The following PEMT variants were observed in gnomAD, a reference collection of about 807,000 sequenced individuals.
PEMT encodes phosphatidylethanolamine N-methyltransferase, also known as phospholipid methyltransferase.
Under a neutral mutation model 27.4 loss-of-function variants are expected in PEMT, and 23 were observed. The ratio of observed to expected loss-of-function variants is 0.84; its 90% CI spans 0.60 to 1.19. The LOEUF is 1.19. PEMT is among the 50% of genes most tolerant of loss of function. PEMT has a pLI of 0.00. For synonymous variants in PEMT, 137 were observed against 139.1 expected, an observed-to-expected ratio of 0.98 and a Z score of 0.11; for missense variants, 307 against 310.1, an observed-to-expected ratio of 0.99 and a Z score of 0.07.
In PEMT at chr17:17,586,480, G is replaced by A. The variant is rs899984511; in HGVS notation, c.96+5051C>T. Reference sequence around the variant, plus strand: ...AACGAATAGAAAGCATACACAGTATGCTCCCAAACCACCACAGAATTAAAC... The same window carrying A: ...AACGAATAGAAAGCATACACAGTATACTCCCAAACCACCACAGAATTAAAC... On this transcript the variant is annotated intron_variant, in intron 1 of 6. Transcript: ENST00000255389. Among the ~76,000 whole-genome samples the A allele has an allele frequency of 2.4e-4, 36 of 152,248 alleles. 1 individual carries two copies. The highest frequency in any genetic ancestry group is 8.7e-4 in the African/African-American group (36 of 41,550).
Position 17,526,461 on chromosome 17 carries a change from C to T in PEMT, c.205-4066G>A, listed in dbSNP as rs185860789. ...ACCCCCCACCCCGATCCCCGGCCAG[C>T]GTGGAAGGAGGGGTAGAGCAGGTGA... On this transcript the variant is annotated intron_variant, in intron 2 of 6. Coordinates refer to ENST00000255389, the MANE Select transcript of PEMT (RefSeq NM_148172.3). Among the ~76,000 whole-genome samples the T allele has an allele frequency of 5.9e-3, 895 of 152,358 alleles. 5 individuals are homozygous for T. The highest frequency in any genetic ancestry group is 0.015 in the South Asian group (72 of 4,826).
intron 2 of PEMT, among the ~76,000 whole-genome samples, chr17:17,527,295 T>C (rs919550182): frequency 6.6e-6 from 1 of 152,118 alleles, no homozygotes; most frequent in African/African-American, 2.4e-5. Flanking sequence ...CCTCGGCCTC[T>C]CAAAGTGCTG....
chr17:17,529,123 A>C (rs565354757), intron 2 of PEMT, among the ~76,000 whole-genome samples: 46 of 152,266 alleles, frequency 3.0e-4, no homozygotes, highest in African/African-American at 9.9e-4. Flanking sequence ...CTGGGCCAGC[A>C]AGCAAGTGCA....
intron 4 of PEMT, among the ~76,000 whole-genome samples, chr17:17,510,300 T>C (rs1906268629): frequency 1.3e-5 from 2 of 152,112 alleles, no homozygotes; most frequent in Admixed American, 6.5e-5. Context: ...ACAGTGTCTG[T>C]CCCAGGCCCA....
At chr17:17,517,138 C>T (rs765601590) in intron 3 of PEMT, among the ~76,000 whole-genome samples, 62 of 152,188 alleles carry the variant, frequency 4.1e-4, no homozygotes, top group Non-Finnish European at 2.2e-4. Context: ...TGGAGGACCA[C>T]GCCTTGGGTG....
At chr17:17,591,386 T>TCC in intron 1 of PEMT, 145 bp downstream of exon 1, 1 of 685,288 alleles carries the variant, frequency 1.5e-6, no homozygotes, top group African/African-American at 1.9e-5. Flanking sequence ...CGCACGCGGC[T>TCC]CCCCCACCCC....
chr17:17,549,275 C>T (rs902575318), intron 2 of PEMT, among the ~76,000 whole-genome samples: 5 of 152,116 alleles, frequency 3.3e-5, no homozygotes, highest in Non-Finnish European at 7.4e-5. Context: ...CTGCAACCTC[C>T]GCCTCCCGGG....
intron 1 of PEMT, 111 bp downstream of exon 1, chr17:17,591,420 T>A: frequency 8.5e-4 from 580 of 684,028 alleles, no homozygotes; most frequent in Middle Eastern, 2.3e-3. Flanking sequence ...CCCCATTGCC[T>A]GGGAACTGGC....
intron 2 of PEMT, among the ~76,000 whole-genome samples, chr17:17,549,530 T>C (rs967086047): frequency 1.3e-5 from 2 of 152,170 alleles, no homozygotes; most frequent in African/African-American, 4.8e-5. Flanking sequence ...GCTTCCAAAC[T>C]CCTGTGCCCA....
intron 3 of PEMT, among the ~76,000 whole-genome samples, chr17:17,519,871 C>T (rs1053357185): frequency 1.6e-4 from 24 of 152,220 alleles, no homozygotes; most frequent in Non-Finnish European, 3.1e-4. Flanking sequence ...AAGGCAGCTG[C>T]CTTGTGGCGC....
intron 2 of PEMT, among the ~76,000 whole-genome samples, chr17:17,574,481 G>A (rs1186792485): frequency 6.6e-6 from 1 of 151,880 alleles, no homozygotes; most frequent in African/African-American, 2.4e-5. Context: ...CATCACATCC[G>A]GCTAAATTTT....
Position 17,591,648 on chromosome 17 carries a change from ACCACGCGGGCCCCGCTGCAG to A in PEMT, c.-42_-23del. 6.2e-7 allele frequency: 1 copy of A among 1,602,492 alleles called. No homozygotes were observed. Among genetic ancestry groups the A allele is most frequent in the Non-Finnish European group, 8.5e-7 (1 of 1,175,052 alleles). On this transcript the variant is annotated 5_prime_UTR_variant, in exon 1 of 7. Transcript: ENST00000255389. ...TCATCCGGGGGCCGCCTCAGGAGGCACCACGCGGGCCCCGCTGCAGCCACGCGCCCCCGGAACCGGACCTA... is the reference window on the plus strand; with the variant it reads ...TCATCCGGGGGCCGCCTCAGGAGGCACCACGCGCCCCCGGAACCGGACCTA...
At chr17:17,514,647 G>A (rs1426337428) in intron 3 of PEMT, among the ~76,000 whole-genome samples, 1 of 152,248 alleles carries the variant, frequency 6.6e-6, no homozygotes, top group African/African-American at 2.4e-5. Context: ...TCCAGGCCGA[G>A]CCTCTGGGAT....
At chr17:17,518,535 C>G (rs1240612246) in intron 3 of PEMT, among the ~76,000 whole-genome samples, 1 of 152,210 alleles carries the variant, frequency 6.6e-6, no homozygotes. Flanking sequence ...TCATCCTGCC[C>G]CGGGCCTCCC....
intron 2 of PEMT, among the ~76,000 whole-genome samples, chr17:17,557,146 GCCC>G (rs968201241): frequency 3.3e-5 from 5 of 152,082 alleles, no homozygotes; most frequent in Non-Finnish European, 7.4e-5. Flanking sequence ...ACTCAGCAAT[GCCC>G]CCAACCACTA....
chr17:17,532,531 A>G (rs779088350), intron 2 of PEMT, among the ~76,000 whole-genome samples: 5 of 152,230 alleles, frequency 3.3e-5, no homozygotes, highest in Non-Finnish European at 7.3e-5. Context: ...ATCTAAATAA[A>G]TGGACAGACA....
At chr17:17,553,236 AC>A (rs1286427868) in intron 2 of PEMT, among the ~76,000 whole-genome samples, 1 of 151,742 alleles carries the variant, frequency 6.6e-6, no homozygotes, top group Non-Finnish European at 1.5e-5. Flanking sequence ...GCCCCACCCC[AC>A]CCTCCAGGAG....
intron 2 of PEMT, among the ~76,000 whole-genome samples, chr17:17,572,051 C>T (rs1016479229): frequency 5.9e-5 from 9 of 152,272 alleles, no homozygotes; most frequent in Non-Finnish European, 1.0e-4. Context: ...CAGGCAAAAC[C>T]GAGCTCTTCC....
chr17:17,567,578 C>T (rs1256889187), intron 2 of PEMT, among the ~76,000 whole-genome samples: 6 of 152,270 alleles, frequency 3.9e-5, no homozygotes, highest in African/African-American at 7.2e-5. Flanking sequence ...GGGGAGTGAG[C>T]GTGGGCACTG....
Sources: gnomAD v4.1 joint callset for allele counts (sites outside exome capture counted in the v4.1 genomes callset) on GRCh38, gnomAD v4.1.1 for gene constraint, MANE v1.5 for transcripts, NCBI Gene and HGNC (gene_info 2026-07-23, HGNC 2026-07-21) for gene names.